Variants in LPIN1 observed in about 807,000 individuals in gnomAD.
LPIN1 encodes the protein lipin 1, also known as phosphatidate phosphatase LPIN1.
In LPIN1, 71 loss-of-function variants were observed where a neutral mutation model predicts 107.5. The ratio of observed to expected loss-of-function variants is 0.66; its 90% CI spans 0.55 to 0.80. The LOEUF (loss-of-function observed/expected upper bound fraction) is 0.80. Among genes scored for constraint, LPIN1 ranks in the 30% least tolerant of loss-of-function variants. LPIN1 has a pLI of 0.00. For synonymous variants in LPIN1, 445 were observed against 452.6 expected (o/e 0.98, Z 0.21); for missense variants, 1,043 against 1,160.6 (o/e 0.90, Z 1.47).
chr2:11,739,338 A>G (rs963067191), intron 1 of LPIN1, among the ~76,000 whole-genome samples: 3 of 152,254 alleles, frequency 2.0e-5, no homozygotes, highest in Admixed American at 6.5e-5. Flanking sequence ...AGCTTGAGTT[A>G]GAGCCACCAG....
chr2:11,763,964 A>AGTGTGTGTGTGTGT (rs143711712), intron 1 of LPIN1, among the ~76,000 whole-genome samples: 3,744 of 134,000 alleles, frequency 0.028, 180 homozygotes, highest in African/African-American at 0.097. Context: ...CATATATTTT[A>AGTGTGTGTGTGTGT]GTGTGTGTGT....
chr2:11,791,804 G>A (rs1432170605), intron 12 of LPIN1, 110 bp from the exon 13 acceptor site: 5 of 1,509,312 alleles, frequency 3.3e-6, no homozygotes, highest in South Asian at 1.2e-5. Flanking sequence ...TGTTTTCTCT[G>A]ATTTTTTTTT....
chr2:11,741,295 G>A, intron 1 of LPIN1: 2 of 1,255,824 alleles, frequency 1.6e-6, no homozygotes, highest in East Asian at 2.6e-5. Context: ...TTTCATTCTC[G>A]AGAGACACTG....
At position 11,765,149 on chromosome 2, in the gene LPIN1, ACCGTGATGGGCCGTAACGGG is replaced by A. The variant is rs1240678653; in HGVS notation, c.-9-374_-9-355del. Among the ~76,000 whole-genome samples the A allele has an allele frequency of 6.9e-6, 1 of 145,054 alleles. No homozygotes were observed. The highest frequency in any genetic ancestry group is 2.0e-4 in the East Asian group (1 of 4,890). On this transcript the variant is annotated intron_variant, in intron 1 of 20. Transcript: ENST00000674199. This position sits in a 1 kb window ranked among gnomAD's most constrained non-coding sequence, Gnocchi z 4.4. Reference sequence around the variant, plus strand: ...GATGGGCCGTAATGGGCCATGATGGACCGTGATGGGCCGTAACGGGCCGTGATGGACCCTGATGGGCTGTG... The same window carrying A: ...GATGGGCCGTAATGGGCCATGATGGACCGTGATGGACCCTGATGGGCTGTG...
chr2:11,696,919 C>T (rs980053072), intron 1 of LPIN1, among the ~76,000 whole-genome samples: 1 of 152,206 alleles, frequency 6.6e-6, no homozygotes, highest in African/African-American at 2.4e-5. Context: ...CCTGGCCGCA[C>T]CTCCTCTGTG....
intron 1 of LPIN1, among the ~76,000 whole-genome samples, chr2:11,738,350 G>A (rs1451431700): frequency 5.3e-5 from 8 of 149,834 alleles, no homozygotes; most frequent in African/African-American, 9.9e-5. Context: ...AAACCCGCAC[G>A]TTCTGCACAT....
chr2:11,734,930 G>A (rs549300194), intron 1 of LPIN1, among the ~76,000 whole-genome samples: 1 of 152,302 alleles, frequency 6.6e-6, no homozygotes, highest in South Asian at 2.1e-4. Flanking sequence ...GAACAGTTGA[G>A]CTACAGCTGC....
chr2:11,677,794 G>A, intron 1 of LPIN1: 1 of 1,348,836 alleles, frequency 7.4e-7, no homozygotes, highest in Non-Finnish European at 1.0e-6. Flanking sequence ...ATCCCCAGGT[G>A]CCCGCGTACT....
intron 1 of LPIN1, among the ~76,000 whole-genome samples, chr2:11,727,170 G>A (rs1176450339): frequency 6.6e-6 from 1 of 152,178 alleles, no homozygotes; most frequent in Non-Finnish European, 1.5e-5. Context: ...GGATCCTGCT[G>A]CAGTAGTGAT....
intron 1 of LPIN1, among the ~76,000 whole-genome samples, chr2:11,689,071 T>C (rs907923196): frequency 2.0e-5 from 3 of 152,248 alleles, no homozygotes; most frequent in African/African-American, 7.2e-5. Flanking sequence ...TCCAAATTTA[T>C]GGATAATTCG....
intron 1 of LPIN1, among the ~76,000 whole-genome samples, chr2:11,730,927 C>T (rs1665125656): frequency 1.3e-5 from 2 of 152,080 alleles, no homozygotes; most frequent in Non-Finnish European, 2.9e-5. Context: ...GTCAGCTCGA[C>T]GATGTGAGGT....
chr2:11,792,378 C>T (rs940913094), intron 13 of LPIN1: 1 of 237,982 alleles, frequency 4.2e-6, no homozygotes, highest in Non-Finnish European at 8.4e-6. Context: ...TTTTTCTCCC[C>T]TCCCCTCCCC....
chr2:11,782,144 GGTTGCCTTTGT>G, intron 7 of LPIN1, 46 bp from the exon 8 acceptor site: 1 of 1,370,446 alleles, frequency 7.3e-7, no homozygotes, highest in Non-Finnish European at 1.0e-6. Context: ...CAGTTTTTCT[GGTTGCCTTTGT>G]GCTGACCTTG....
intron 1 of LPIN1, among the ~76,000 whole-genome samples, chr2:11,700,179 G>A (rs1372256152): frequency 6.6e-6 from 1 of 151,918 alleles, no homozygotes; most frequent in Non-Finnish European, 1.5e-5. Context: ...GTTCTGGAAG[G>A]CCTGTGTCCA....
rs144300109 is a variant in LPIN1 at position 11,749,942 on chromosome 2, A to G, written c.-10+3271A>G. Among the ~76,000 whole-genome samples, 788 of 152,366 alleles carry G rather than the reference A, an allele frequency of 5.2e-3. 13 individuals are homozygous for G. Among genetic ancestry groups the G allele is most frequent in the African/African-American group, 0.018 (747 of 41,588 alleles). ...CCAGAAATAGCCATAGGCTGTTAGA[A>G]CAGGCACTTTGCTCTGTAAGGAGGC... On this transcript the variant is annotated intron_variant, in intron 1 of 20. Transcript: ENST00000674199.
intron 1 of LPIN1, among the ~76,000 whole-genome samples, chr2:11,678,180 CTG>C (rs2148496122): frequency 6.6e-6 from 1 of 152,322 alleles, no homozygotes; most frequent in African/African-American, 2.4e-5. Flanking sequence ...CAATAACATG[CTG>C]TGTGTGCTGT....
chr2:11,730,116 T>G (rs1665042061), intron 1 of LPIN1, among the ~76,000 whole-genome samples: 1 of 152,190 alleles, frequency 6.6e-6, no homozygotes, highest in Non-Finnish European at 1.5e-5. Flanking sequence ...TTCACGTATG[T>G]TGACATCGAC....
chr2:11,782,998 A>C (rs1480586083), intron 8 of LPIN1, among the ~76,000 whole-genome samples: 1 of 152,136 alleles, frequency 6.6e-6, no homozygotes, highest in Non-Finnish European at 1.5e-5. Flanking sequence ...AGTCTTTTCT[A>C]TCTAACTTGC....
chr2:11,784,566 C>T (rs1674162098), intron 9 of LPIN1: 1 of 510,206 alleles, frequency 2.0e-6, no homozygotes, highest in Non-Finnish European at 3.3e-6. Flanking sequence ...GGGACCCACC[C>T]TCAGTCCCCC....
Sources: allele counts gnomAD v4.1 joint callset (sites outside exome capture counted in the v4.1 genomes callset), GRCh38; gene constraint gnomAD v4.1.1; non-coding constraint Gnocchi (gnomAD v3.1); transcripts MANE v1.5; gene names NCBI Gene and HGNC (gene_info 2026-07-23, HGNC 2026-07-21).